AGBL1: variants seen among roughly 807,000 people sequenced by gnomAD.
The protein encoded by AGBL1 is AGBL carboxypeptidase 1.
In AGBL1, 130 loss-of-function variants were observed where a neutral mutation model predicts 118.9. That is an observed-to-expected ratio of 1.09 (90% CI 0.95 to 1.26). The LOEUF (loss-of-function observed/expected upper bound fraction) is 1.26. AGBL1 is among the 50% of genes most tolerant of loss of function. The pLI is 0.00. For synonymous variants in AGBL1, 555 were observed against 478.9 expected, an observed-to-expected ratio of 1.16 and a Z score of -2.08; for missense variants, 1,584 against 1,298.1, an observed-to-expected ratio of 1.22 and a Z score of -3.38.
chr15:86,680,578 T>A (rs2085936161), intron 22 of AGBL1, among the ~76,000 whole-genome samples: 1 of 142,966 alleles, frequency 7.0e-6, no homozygotes, highest in South Asian at 2.3e-4. Flanking sequence ...TTTTTTTTTT[T>A]TTTTTTTGAG....
intron 22 of AGBL1, among the ~76,000 whole-genome samples, chr15:86,796,889 C>T (rs906959340): frequency 2.6e-5 from 4 of 152,158 alleles, no homozygotes; most frequent in Admixed American, 6.5e-5. Context: ...GTCTTTCTCA[C>T]TACAAAGTTT....
chr15:86,197,460 T>G (rs2077832548), intron 5 of AGBL1, among the ~76,000 whole-genome samples: 1 of 152,188 alleles, frequency 6.6e-6, no homozygotes, highest in African/African-American at 2.4e-5. Flanking sequence ...TGTTATGAAG[T>G]GGCAAATAAC....
chr15:86,112,937 A>C (rs139593903), intron 1 of AGBL1, among the ~76,000 whole-genome samples: 1 of 152,244 alleles, frequency 6.6e-6, no homozygotes, highest in African/African-American at 2.4e-5. Context: ...GGAAAGTTTT[A>C]CTTTAGGAAA....
chr15:86,166,602 C>A (rs1168358779), intron 5 of AGBL1, among the ~76,000 whole-genome samples: 1 of 152,178 alleles, frequency 6.6e-6, no homozygotes, highest in Non-Finnish European at 1.5e-5. Flanking sequence ...TCTCTAATCC[C>A]CTGTCACCTG....
At chr15:86,774,695 T>A (rs1443566732) in intron 22 of AGBL1, among the ~76,000 whole-genome samples, 1 of 151,876 alleles carries the variant, frequency 6.6e-6, no homozygotes, top group Non-Finnish European at 1.5e-5. Context: ...TGAGAAAAAT[T>A]AAGATTTATA....
At chr15:86,786,397 G>C (rs1418713638) in intron 22 of AGBL1, among the ~76,000 whole-genome samples, 1 of 151,996 alleles carries the variant, frequency 6.6e-6, no homozygotes, top group African/African-American at 2.4e-5. Context: ...GCAGGATATG[G>C]CTTGTGCAGT....
intron 23 of AGBL1, among the ~76,000 whole-genome samples, chr15:86,961,158 T>A (rs55885851): frequency 0.042 from 6,355 of 152,212 alleles, 162 homozygotes; most frequent in Middle Eastern, 0.071. Flanking sequence ...TTGATGTGGT[T>A]ATCATTTCAC....
chr15:86,540,283 A>G (rs1209488597), intron 19 of AGBL1, among the ~76,000 whole-genome samples: 1 of 152,180 alleles, frequency 6.6e-6, no homozygotes. Context: ...TGTTGAATCA[A>G]TTGATAAACA....
At chr15:86,162,044 G>A (rs148404575) in intron 5 of AGBL1, among the ~76,000 whole-genome samples, 2,452 of 152,306 alleles carry the variant, frequency 0.016, 73 homozygotes, top group African/African-American at 0.055. Context: ...TCAGATGGCA[G>A]AGGCTGGGGA....
At position 86,382,351 on chromosome 15, in the gene AGBL1, A is replaced by G. The variant is rs138931086; in HGVS notation, c.2375-15015A>G. ...GCAAAAGACTTTGTATGCAGATCTC[A>G]ATTTCCCATTTTCAGGCCTAAATGT... On this transcript the variant is annotated intron_variant, in intron 17 of 22. Coordinates refer to ENST00000614907, the MANE Select transcript of AGBL1 (RefSeq NM_001386094.1). Among the ~76,000 whole-genome samples, 85 of 152,306 alleles carry G rather than the reference A, an allele frequency of 5.6e-4. 1 individual carries two copies. The highest frequency in any genetic ancestry group is 1.9e-3 in the African/African-American group (80 of 41,558).
In AGBL1 at chr15:86,865,176, A is replaced by G. The variant is rs1596565775; in HGVS notation, c.3159-41911A>G. On this transcript the variant is annotated intron_variant, in intron 22 of 22. Transcript: ENST00000614907. ...CTAGTATAACACTTTACATCATTTCACTGAAGTTTAGGAAATGCTTGCAGA... is the reference window on the plus strand; with the variant it reads ...CTAGTATAACACTTTACATCATTTCGCTGAAGTTTAGGAAATGCTTGCAGA... Among the ~76,000 whole-genome samples, 3 of 152,310 alleles carry G rather than the reference A, an allele frequency of 2.0e-5. No individual in the cohort carries two copies. In the East Asian group the frequency reaches 5.8e-4, roughly 29 times the overall value.
chr15:86,160,813 C>G (rs1196159497), intron 5 of AGBL1, among the ~76,000 whole-genome samples: 2 of 152,108 alleles, frequency 1.3e-5, no homozygotes, highest in African/African-American at 4.8e-5. Flanking sequence ...ACTTGGGTAC[C>G]ATGTTGTTTG....
chr15:86,677,612 G>A (rs1221229864), intron 22 of AGBL1, among the ~76,000 whole-genome samples: 2 of 152,008 alleles, frequency 1.3e-5, no homozygotes, highest in Non-Finnish European at 2.9e-5. Flanking sequence ...ACCTCCATTT[G>A]TCCCTCACTT....
chr15:86,482,461 T>TA (rs1567017695), intron 18 of AGBL1, among the ~76,000 whole-genome samples: 1 of 152,150 alleles, frequency 6.6e-6, no homozygotes, highest in Non-Finnish European at 1.5e-5. Context: ...TACTTTGGAT[T>TA]AAAAAAATAA....
At chr15:86,243,877 G>A (rs142361219) in intron 6 of AGBL1, among the ~76,000 whole-genome samples, 23 of 152,020 alleles carry the variant, frequency 1.5e-4, no homozygotes, top group South Asian at 8.3e-4. Context: ...AAAATTAGCC[G>A]GGTGTAGTGG....
chr15:86,724,697 G>C (rs778494972), intron 22 of AGBL1, among the ~76,000 whole-genome samples: 1 of 152,176 alleles, frequency 6.6e-6, no homozygotes, highest in Non-Finnish European at 1.5e-5. Context: ...ATGGGGCCTG[G>C]TGGGAGGTGT....
intron 5 of AGBL1, among the ~76,000 whole-genome samples, chr15:86,215,578 T>TAACA (rs1467673143): frequency 1.4e-4 from 21 of 152,134 alleles, no homozygotes; most frequent in African/African-American, 5.1e-4. Context: ...TACCTGACAT[T>TAACA]GCAGTGAGAC....
At chr15:86,811,967 A>T (rs2078796120) in intron 22 of AGBL1, among the ~76,000 whole-genome samples, 1 of 152,222 alleles carries the variant, frequency 6.6e-6, no homozygotes, top group Admixed American at 6.5e-5. Flanking sequence ...AAGCATAGAA[A>T]AATGCCTATC....
intron 24 of AGBL1, among the ~76,000 whole-genome samples, chr15:87,003,058 T>G (rs972931620): frequency 6.6e-6 from 1 of 152,302 alleles, no homozygotes. Flanking sequence ...CTTGTGCCAG[T>G]TTTCAAAGGG....
Sources: allele counts gnomAD v4.1 joint callset (sites outside exome capture counted in the v4.1 genomes callset), GRCh38; gene constraint gnomAD v4.1.1; transcripts MANE v1.5; gene names NCBI Gene and HGNC (gene_info 2026-07-23, HGNC 2026-07-21).